Variants in NAF1 observed in about 807,000 individuals in gnomAD.
NAF1 encodes nuclear assembly factor 1 ribonucleoprotein, also known as H/ACA ribonucleoprotein complex non-core subunit NAF1.
Under a neutral mutation model 40.6 loss-of-function variants are expected in NAF1, and 11 were observed. The ratio of observed to expected loss-of-function variants is 0.27; its 90% CI spans 0.17 to 0.45. The LOEUF (loss-of-function observed/expected upper bound fraction) is 0.45, where lower values mean the gene tolerates loss of function less well. Among genes scored for constraint, NAF1 ranks in the 20% least tolerant of loss-of-function variants. The pLI is 1.00. For missense variants in NAF1, 607 were observed against 611.1 expected, an observed-to-expected ratio of 0.99 and a Z score of 0.07; for synonymous variants, 260 against 228.5, an observed-to-expected ratio of 1.14 and a Z score of -1.24.
intron 1 of NAF1, 33 bp from the exon 2 acceptor site, chr4:163,164,424 C>T: frequency 7.1e-7 from 1 of 1,416,814 alleles, no homozygotes; most frequent in Non-Finnish European, 9.4e-7. Context: ...AAAAATAGTC[C>T]AGTATTATTA....
At position 163,137,188 on chromosome 4, in the gene NAF1, C is replaced by T. The variant is rs1329068828; in HGVS notation, c.930+11G>A. On this transcript the variant is annotated intron_variant, in intron 6 of 7. Transcript: ENST00000274054. ...CTTTATAAAATGTTGCATAAAAAGACTTATACTTACCTCTGGTGGTGGTTC... is the reference window on the plus strand; with the variant it reads ...CTTTATAAAATGTTGCATAAAAAGATTTATACTTACCTCTGGTGGTGGTTC... 1.2e-6 allele frequency: 2 copies of T among 1,611,924 alleles called. No homozygotes were observed. The highest frequency in any genetic ancestry group is 2.7e-5 in the African/African-American group (2 of 74,798).
intron 2 of NAF1, among the ~76,000 whole-genome samples, chr4:163,154,865 T>TC (rs1731907323): frequency 7.1e-6 from 1 of 140,966 alleles, no homozygotes; most frequent in South Asian, 2.3e-4. Flanking sequence ...AGCAAAAGAC[T>TC]CCATCTCAGA....
intron 5 of NAF1, among the ~76,000 whole-genome samples, chr4:163,137,933 T>C (rs543853736): frequency 1.3e-5 from 2 of 152,286 alleles, no homozygotes; most frequent in African/African-American, 4.8e-5. Flanking sequence ...TTTTACACTT[T>C]ACATCCAACA....
chr4:163,157,829 A>G (rs931364677), intron 2 of NAF1, among the ~76,000 whole-genome samples: 4 of 152,110 alleles, frequency 2.6e-5, no homozygotes. Flanking sequence ...TTATAGACAT[A>G]CCAGTCAAAA....
intron 2 of NAF1, among the ~76,000 whole-genome samples, chr4:163,151,546 C>T (rs1384005172): frequency 6.6e-6 from 1 of 152,008 alleles, no homozygotes; most frequent in Non-Finnish European, 1.5e-5. Context: ...ACTAAGTACA[C>T]TTATATATTT....
rs774735991 is a variant in NAF1, at chr4:163,137,264, G to A, written c.879-14C>T. The A allele has an allele frequency of 8.8e-6, 14 of 1,598,226 alleles. No homozygotes were observed. The African/African-American group carries it at 1.4e-4, about 15-fold the overall frequency. ...GATCCCTTATCCCTGAGTGGGGTGG[G>A]GATGGGAGTCAAAAAAGTATTCATC... On this transcript the variant is annotated splice_polypyrimidine_tract_variant and intron_variant, in intron 5 of 7. Coordinates refer to ENST00000274054, the MANE Select transcript of NAF1 (RefSeq NM_138386.3).
intron 3 of NAF1, among the ~76,000 whole-genome samples, chr4:163,146,166 T>C (rs1731460804): frequency 6.6e-6 from 1 of 152,220 alleles, no homozygotes; most frequent in African/African-American, 2.4e-5. Context: ...ATGTACATAT[T>C]CTCAAGTAAT....
chr4:163,146,563 AGAT>A (rs1312783892), intron 3 of NAF1, among the ~76,000 whole-genome samples: 1 of 152,248 alleles, frequency 6.6e-6, no homozygotes, highest in Admixed American at 6.5e-5. Context: ...TACATTACAT[AGAT>A]AATACCATGT....
In NAF1 at chr4:163,133,037, C is replaced by G. The variant is rs1730928422; in HGVS notation, c.1033+117G>C. The G allele has an allele frequency of 6.2e-6, 5 of 806,134 alleles. No individual in the cohort carries two copies. The East Asian group carries it at 1.3e-4, about 21-fold the overall frequency. 49.9% of individuals were successfully genotyped at this position (806,134 alleles called of 1,614,324 possible). On this transcript the variant is annotated intron_variant, in intron 7 of 7. Coordinates refer to ENST00000274054, the MANE Select transcript of NAF1 (RefSeq NM_138386.3). ...GCTATGTAATGGCTCTAAATGTTAG[C>G]AGGATGCTAGGAGGTAAACAGAGAG... is the stretch of plus-strand genomic sequence containing the variant.
chr4:163,165,445 C>T (rs775683119), intron 1 of NAF1, among the ~76,000 whole-genome samples: 84 of 152,152 alleles, frequency 5.5e-4, no homozygotes, highest in Admixed American at 2.6e-4. Flanking sequence ...GTAAAATGAG[C>T]TCTGAAATCC....
chr4:163,157,390 A>G (rs982216903), intron 2 of NAF1: 2 of 152,030 alleles, frequency 1.3e-5, no homozygotes, highest in African/African-American at 4.8e-5. Flanking sequence ...ACCAGTTCAG[A>G]TCTGCTCCTC....
At chr4:163,152,371 A>G (rs1351813956) in intron 2 of NAF1, among the ~76,000 whole-genome samples, 2 of 152,226 alleles carry the variant, frequency 1.3e-5, no homozygotes, top group African/African-American at 4.8e-5. Flanking sequence ...GTTCTGCTCT[A>G]AAGAGTACTA....
downstream of NAF1, chr4:163,126,652 AGTG>A (rs1156693932): frequency 5.8e-6 from 1 of 172,248 alleles, no homozygotes; most frequent in Non-Finnish European, 1.2e-5. Flanking sequence ...TTGATAAGGC[AGTG>A]GCAGGGTTTG....
At chr4:163,136,635 A>C (rs1462642635) in intron 6 of NAF1, among the ~76,000 whole-genome samples, 1 of 152,156 alleles carries the variant, frequency 6.6e-6, no homozygotes, top group East Asian at 1.9e-4. Flanking sequence ...CTCTAGGAAG[A>C]CTAGATTATC....
downstream of NAF1, among the ~76,000 whole-genome samples, chr4:163,127,647 A>T (rs541434666): frequency 6.6e-5 from 10 of 152,292 alleles, no homozygotes; most frequent in East Asian, 1.5e-3. Flanking sequence ...AAATATTTTT[A>T]AAAATAATGA....
chr4:163,118,843 A>C (rs1330353403), intron 2 of NAF1, among the ~76,000 whole-genome samples: 1 of 152,236 alleles, frequency 6.6e-6, no homozygotes, highest in Non-Finnish European at 1.5e-5. Flanking sequence ...CTGTCATGAC[A>C]TATCTATCCA....
intron 2 of NAF1, among the ~76,000 whole-genome samples, chr4:163,149,598 T>A (rs993061840): frequency 6.6e-6 from 1 of 152,180 alleles, no homozygotes; most frequent in Non-Finnish European, 1.5e-5. Context: ...ATGGTTAGTC[T>A]GCCTGGTGTT....
In NAF1 at chr4:163,128,703, C is replaced by A; in HGVS notation, c.*194G>T. 2.7e-6 allele frequency: 3 copies of A among 1,123,550 alleles called. No individual in the cohort carries two copies. Among genetic ancestry groups the A allele is most frequent in the Non-Finnish European group, 2.2e-6 (2 of 891,120 alleles). The allele number at this position is 1,123,550 out of a possible 1,614,324, so 69.6% of individuals were successfully genotyped here. A position where few individuals can be genotyped will look rare whatever the true frequency, so the allele number is the denominator to read the frequency against. On this transcript the variant is annotated 3_prime_UTR_variant, in exon 8 of 8. Coordinates refer to ENST00000274054, the MANE Select transcript of NAF1 (RefSeq NM_138386.3). ...AATATTACATAATTTAATGTTCTCC[C>A]AAGAATTTGAGCTGACATTTTCATA...
intron 2 of NAF1, among the ~76,000 whole-genome samples, chr4:163,113,522 C>A (rs886868159): frequency 4.2e-4 from 64 of 152,108 alleles, no homozygotes; most frequent in Non-Finnish European, 8.5e-4. Flanking sequence ...CACAATGCTG[C>A]ATTTGTAAGT....
Sources: gnomAD v4.1 joint callset for allele counts (sites outside exome capture counted in the v4.1 genomes callset) on GRCh38, gnomAD v4.1.1 for gene constraint, MANE v1.5 for transcripts, NCBI Gene and HGNC (gene_info 2026-07-23, HGNC 2026-07-21) for gene names.